SLAIN2: variants seen among roughly 807,000 people sequenced by gnomAD.
SLAIN2 encodes the protein SLAIN family member 2.
Under a neutral mutation model 56.6 loss-of-function variants are expected in SLAIN2, and 31 were observed. That is an observed-to-expected ratio of 0.55 (90% CI 0.41 to 0.74). The LOEUF is 0.74. SLAIN2 is among the 30% of genes least tolerant of loss of function. The pLI is 0.00. For missense variants in SLAIN2, 777 were observed against 754.2 expected, an observed-to-expected ratio of 1.03 and a Z score of -0.35; for synonymous variants, 317 against 284.9, an observed-to-expected ratio of 1.11 and a Z score of -1.13.
chr4:48,372,408 A>G (rs1715693865), intron 2 of SLAIN2, among the ~76,000 whole-genome samples: 1 of 152,322 alleles, frequency 6.6e-6, no homozygotes, highest in East Asian at 1.9e-4. Flanking sequence ...TGTAGCATGC[A>G]AGCAGCCATA....
At chr4:48,363,644 C>T (rs1208018837) in intron 1 of SLAIN2, among the ~76,000 whole-genome samples, 46 of 98,826 alleles carry the variant, frequency 4.7e-4, no homozygotes, top group Non-Finnish European at 8.0e-4. Flanking sequence ...CCCTCCCGGA[C>T]GGGGCGGCTG....
At chr4:48,373,201 ATTAAGTACAT>A (rs1577719597) in intron 2 of SLAIN2, among the ~76,000 whole-genome samples, 1 of 152,224 alleles carries the variant, frequency 6.6e-6, no homozygotes, top group East Asian at 1.9e-4. Flanking sequence ...GTCCTGTGGC[ATTAAGTACAT>A]TCACGTTACT....
intron 1 of SLAIN2, among the ~76,000 whole-genome samples, chr4:48,366,580 T>G (rs924164271): frequency 1.6e-4 from 25 of 152,206 alleles, no homozygotes; most frequent in African/African-American, 5.5e-4. Flanking sequence ...CACTCCAGTT[T>G]TTGTAGTTAC....
At chr4:48,393,729 A>G (rs1028775935) in intron 6 of SLAIN2, among the ~76,000 whole-genome samples, 5 of 152,168 alleles carry the variant, frequency 3.3e-5, no homozygotes, top group African/African-American at 1.2e-4. Context: ...GAGCTGCTTA[A>G]ATACACTGGT....
At chr4:48,374,527 A>G (rs1174179913) in intron 2 of SLAIN2, among the ~76,000 whole-genome samples, 3 of 152,228 alleles carry the variant, frequency 2.0e-5, no homozygotes, top group African/African-American at 7.2e-5. Context: ...GGTGTGAGCC[A>G]CTGCAACTGG....
intron 6 of SLAIN2, among the ~76,000 whole-genome samples, chr4:48,392,456 CT>C (rs990519432): frequency 6.6e-6 from 1 of 151,938 alleles, no homozygotes; most frequent in Non-Finnish European, 1.5e-5. Flanking sequence ...CCTTATTAAA[CT>C]TTTTTTTAAT....
At chr4:48,414,641 C>G in intron 6 of SLAIN2, among the ~76,000 whole-genome samples, 1 of 131,780 alleles carries the variant, frequency 7.6e-6, no homozygotes, top group Non-Finnish European at 1.6e-5. Flanking sequence ...ATGTGCCATG[C>G]TGGTGCGCTG....
At chr4:48,394,133 T>C (rs1716314859) in intron 6 of SLAIN2, among the ~76,000 whole-genome samples, 1 of 152,236 alleles carries the variant, frequency 6.6e-6, no homozygotes. Flanking sequence ...TTTTTGAGTA[T>C]GCAGATTATG....
Position 48,420,380 on chromosome 4 carries a change from C to A in SLAIN2, c.1616C>A (p.Pro539His). The A allele has an allele frequency of 6.2e-7, 1 of 1,613,990 alleles. No homozygotes were observed. The highest frequency in any genetic ancestry group is 8.5e-7 in the Non-Finnish European group (1 of 1,179,866). The change falls in exon 7 of 8, where the codon CCC (proline) becomes CAC (histidine). Residue 539 changes from proline (P) to histidine (H), a missense_variant. Transcript: ENST00000264313. ...TTAMRSGLPRPSAPSAGGIPV... is the reference protein window; with the variant it reads ...TTAMRSGLPRHSAPSAGGIPV... ...GCAATGAGAAGTGGCTTGCCCAGAC[C>A]CAGTGCCCCTTCTGCTGGGGGCATA...
intron 2 of SLAIN2, among the ~76,000 whole-genome samples, chr4:48,377,517 T>G (rs1715853622): frequency 6.6e-6 from 1 of 152,076 alleles, no homozygotes; most frequent in Non-Finnish European, 1.5e-5. Flanking sequence ...ATACATTTGT[T>G]ACAGAAAAAT....
rs149628694 is a variant in SLAIN2 at position 48,394,767 on chromosome 4, A to G, written c.1360+10983A>G. On this transcript the variant is annotated intron_variant, in intron 6 of 7. Coordinates refer to ENST00000264313, the MANE Select transcript of SLAIN2 (RefSeq NM_020846.2). ...GTAAGGCACATTTTAGTCTTATTTT[A>G]AAGAATAATAAAATAATGAGGATTT... 1.9e-4 allele frequency: 138 copies of G among 710,116 alleles called. No individual in the cohort carries two copies. In the African/African-American group the frequency reaches 2.1e-3, roughly 11 times the overall value. 44.0% of individuals were successfully genotyped at this position (710,116 alleles called of 1,614,324 possible).
At chr4:48,383,213 A>G (rs985281528) in intron 5 of SLAIN2, among the ~76,000 whole-genome samples, 1 of 151,942 alleles carries the variant, frequency 6.6e-6, no homozygotes, top group Non-Finnish European at 1.5e-5. Context: ...AAAAAGAGAA[A>G]AAGTGTCCTT....
chr4:48,407,253 T>TA (rs1716722268), intron 6 of SLAIN2, among the ~76,000 whole-genome samples: 1 of 152,166 alleles, frequency 6.6e-6, no homozygotes, highest in Non-Finnish European at 1.5e-5. Flanking sequence ...TATTGACTCT[T>TA]ATGTTTCTCC....
At chr4:48,410,046 TACA>T (rs1254106173) in intron 6 of SLAIN2, among the ~76,000 whole-genome samples, 1 of 152,206 alleles carries the variant, frequency 6.6e-6, no homozygotes, top group Non-Finnish European at 1.5e-5. Context: ...CCAGAGTGGC[TACA>T]ACATTTTACA....
At chr4:48,391,817 T>G (rs1470525124) in intron 6 of SLAIN2, among the ~76,000 whole-genome samples, 3 of 152,116 alleles carry the variant, frequency 2.0e-5, no homozygotes. Flanking sequence ...GTAAGAAAAA[T>G]TTGAGCTAGA....
At chr4:48,420,758 AT>A (rs1189120599) in intron 7 of SLAIN2, among the ~76,000 whole-genome samples, 3 of 152,228 alleles carry the variant, frequency 2.0e-5, no homozygotes, top group African/African-American at 7.2e-5. Context: ...ATATAATTAT[AT>A]TCAATAAAGA....
At chr4:48,392,360 G>A (rs529570433) in intron 6 of SLAIN2, among the ~76,000 whole-genome samples, 1 of 152,276 alleles carries the variant, frequency 6.6e-6, no homozygotes, top group East Asian at 1.9e-4. Flanking sequence ...ATAAATAGGG[G>A]TGGGGTCCAT....
rs1311181406 is a variant in SLAIN2 at position 48,341,746 on chromosome 4, G to A, written c.7G>A (p.Asp3Asn). The A allele has an allele frequency of 4.0e-5, 61 of 1,532,454 alleles. No homozygotes were observed. Among genetic ancestry groups the A allele is most frequent in the Non-Finnish European group, 4.7e-5 (54 of 1,139,702 alleles). 94.9% of individuals were successfully genotyped at this position (1,532,454 alleles called of 1,614,324 possible). Residue 3 changes from aspartate to asparagine, a missense_variant, in exon 1 of 8, where the codon GAC (aspartate) becomes AAC (asparagine). Asp to Asn is a conservative substitution (Grantham distance 23, BLOSUM62 1). Coordinates refer to ENST00000264313, the MANE Select transcript of SLAIN2 (RefSeq NM_020846.2). Reference sequence around the variant, plus strand: ...CGGCGGCGGCGGGGCCGGGATGGAGGACGTTAACTCCAACGTGAACGCGGA... The same window carrying A: ...CGGCGGCGGCGGGGCCGGGATGGAGAACGTTAACTCCAACGTGAACGCGGA... ME[D>N]VNSNVNADQE...
chr4:48,362,401 C>T (rs1209239790), intron 1 of SLAIN2, among the ~76,000 whole-genome samples: 2 of 150,544 alleles, frequency 1.3e-5, no homozygotes. Flanking sequence ...CTCTCTCTGT[C>T]TCTGTCTCCC....
Sources: allele counts gnomAD v4.1 joint callset (sites outside exome capture counted in the v4.1 genomes callset), GRCh38; gene constraint gnomAD v4.1.1; transcripts MANE v1.5; gene names NCBI Gene and HGNC (gene_info 2026-07-23, HGNC 2026-07-21).